Variants in DNAH8 observed in about 807,000 individuals in gnomAD.
DNAH8 encodes dynein axonemal heavy chain 8, also known as axonemal beta dynein heavy chain 8.
In DNAH8, 382 loss-of-function variants were observed where a neutral mutation model predicts 562.1. The ratio of observed to expected loss-of-function variants is 0.68; its 90% confidence interval spans 0.63 to 0.74. The LOEUF (loss-of-function observed/expected upper bound fraction) is 0.74. Ranked by LOEUF, DNAH8 falls within the 30% of genes least tolerant of loss-of-function variation. The pLI, the probability that DNAH8 is intolerant of heterozygous loss-of-function variation, is 0.00. For synonymous variants in DNAH8, 1,881 were observed against 1,919.4 expected (o/e 0.98, Z 0.52); for missense variants, 5,203 against 5,620.4 (o/e 0.93, Z 2.37).
chr6:38,718,043 A>C (rs769731027), intron 1 of DNAH8, among the ~76,000 whole-genome samples: 1 of 152,228 alleles, frequency 6.6e-6, no homozygotes, highest in Non-Finnish European at 1.5e-5. Flanking sequence ...AGTTTTACAT[A>C]TCTGCATATA....
chr6:38,932,183 A>AACACACACACACAC (rs70981599), intron 76 of DNAH8, among the ~76,000 whole-genome samples, 190 bp downstream of exon 76: 12,231 of 139,628 alleles, frequency 0.088, 785 homozygotes, highest in East Asian at 0.18. Flanking sequence ...TCCAGCCTGA[A>AACACACACACACAC]ACACACACAC....
At chr6:38,847,335 A>G (rs959968686) in intron 36 of DNAH8, among the ~76,000 whole-genome samples, 1 of 151,648 alleles carries the variant, frequency 6.6e-6, no homozygotes, top group Non-Finnish European at 1.5e-5. Context: ...TTCTGTGCAG[A>G]ACAATTTTGG....
At chr6:38,841,963 T>C (rs1774838130) in intron 33 of DNAH8, among the ~76,000 whole-genome samples, 2 of 152,198 alleles carry the variant, frequency 1.3e-5, no homozygotes, top group Non-Finnish European at 2.9e-5. Context: ...AAGGGAAATG[T>C]TCTCATAAAA....
intron 88 of DNAH8, among the ~76,000 whole-genome samples, chr6:38,990,608 T>C (rs1340373481): frequency 6.6e-6 from 1 of 152,128 alleles, no homozygotes; most frequent in East Asian, 1.9e-4. Context: ...CCTGGTCCTC[T>C]CTTTCATGGC....
chr6:38,879,725 G>GC (rs1289658253), intron 53 of DNAH8, among the ~76,000 whole-genome samples: 7 of 83,374 alleles, frequency 8.4e-5, no homozygotes, highest in Non-Finnish European at 5.5e-5. Context: ...CCAGTGCAGT[G>GC]GGGGGCAAAT....
chr6:39,028,612 T>C (rs918180671), intron 92 of DNAH8, among the ~76,000 whole-genome samples: 5 of 152,252 alleles, frequency 3.3e-5, no homozygotes, highest in Non-Finnish European at 7.3e-5. Context: ...TTCCAAATAA[T>C]TACATTCTAA....
intron 23 of DNAH8, among the ~76,000 whole-genome samples, chr6:38,806,629 C>T (rs1005841984): frequency 1.3e-5 from 2 of 152,096 alleles, no homozygotes; most frequent in Non-Finnish European, 2.9e-5. Context: ...ATTCATCTCT[C>T]ACATTGCTGC....
At chr6:38,772,996 T>TTTTTTTTTTTGTTG (rs1554205957) in intron 12 of DNAH8, among the ~76,000 whole-genome samples, 17 of 109,976 alleles carry the variant, frequency 1.5e-4, no homozygotes, top group African/African-American at 5.3e-4. Context: ...TTTTTTTTTT[T>TTTTTTTTTTTGTTG]TTGTAGAGAT....
At chr6:38,854,232 A>G (rs949975326) in intron 41 of DNAH8, among the ~76,000 whole-genome samples, 2 of 152,052 alleles carry the variant, frequency 1.3e-5, no homozygotes. Context: ...GAAAGTGAAG[A>G]CCTCAAAGAG....
intron 63 of DNAH8, 91 bp downstream of exon 63, chr6:38,906,498 A>G (rs1583319420): frequency 3.8e-6 from 4 of 1,058,052 alleles, no homozygotes; most frequent in Non-Finnish European, 5.1e-6. Flanking sequence ...AAATGAGGCT[A>G]TTTAGTACAT....
In DNAH8 at chr6:38,761,709, A is replaced by G. The variant is rs1053193564; in HGVS notation, c.1523A>G (p.Asn508Ser). Residue 508 changes from asparagine (N) to serine (S), a missense_variant, in exon 11 of 93, where the codon AAT becomes AGT. Around this residue, in one of 6 missense-constraint regions of DNAH8, gnomAD observed 2,176 missense variants for 2,365.1 expected, o/e 0.92. Transcript: ENST00000327475. ...TACCTATATTTATTTCAGGTAACAA[A>G]TCAAATGGTAACAGCATGTAAAGCA... ...RMTSLFIKVT[N>S]QMVTACKAYI... 11 of 1,514,504 alleles carry G rather than the reference A, an allele frequency of 7.3e-6. No individual in the cohort carries two copies. The highest frequency in any genetic ancestry group is 9.7e-6 in the Non-Finnish European group (11 of 1,130,206). The allele number at this position is 1,514,504 out of a possible 1,614,324, so 93.8% of individuals were successfully genotyped here. A position where few individuals can be genotyped will look rare whatever the true frequency, so the allele number is the denominator to read the frequency against.
At chr6:38,935,724 A>G in intron 77 of DNAH8, 27 bp downstream of exon 77, 1 of 1,495,112 alleles carries the variant, frequency 6.7e-7, no homozygotes, top group Middle Eastern at 1.8e-4. Flanking sequence ...AAGTAATGAA[A>G]TAACGGATTC....
At chr6:39,010,820 C>T (rs35922228) in intron 89 of DNAH8, among the ~76,000 whole-genome samples, 18,072 of 132,390 alleles carry the variant, frequency 0.14, 1,312 homozygotes, top group East Asian at 0.35. Context: ...CACACACACA[C>T]GTATGTATGT....
chr6:38,778,497 G>C (rs1768276209), intron 14 of DNAH8, 33 bp downstream of exon 14: 3 of 1,237,274 alleles, frequency 2.4e-6, no homozygotes, highest in Non-Finnish European at 3.5e-6. Context: ...AGTAGTTTCT[G>C]GGGGGAATAA....
chr6:38,862,852 A>C (rs1380079287), intron 44 of DNAH8, among the ~76,000 whole-genome samples: 1 of 152,190 alleles, frequency 6.6e-6, no homozygotes, highest in Non-Finnish European at 1.5e-5. Context: ...CAGATGGAAA[A>C]TTTTGAGAAA....
Position 38,741,791 on chromosome 6 carries a change from G to A in DNAH8, c.1197G>A (p.Met399Ile). Reference sequence around the variant, plus strand: ...CTGAATTGGAACACTGGAAACGCATGTCAGCCAAGTTCAACTATATCATTG... The same window carrying A: ...CTGAATTGGAACACTGGAAACGCATATCAGCCAAGTTCAACTATATCATTG... ...PLTELEHWKR[M>I]SAKFNYIIEQ... Residue 399 changes from methionine to isoleucine, a missense_variant, in exon 8 of 93, where the codon ATG (methionine) becomes ATA (isoleucine). Physicochemically the swap from Met to Ile is conservative, Grantham distance 10. Around this residue, in one of 6 missense-constraint regions of DNAH8, gnomAD observed 556 missense variants for 496.9 expected, o/e 1.12. Transcript: ENST00000327475. The A allele has an allele frequency of 6.2e-7, 1 of 1,614,096 alleles. No homozygotes were observed. The highest frequency in any genetic ancestry group is 1.1e-5 in the South Asian group (1 of 91,072).
chr6:38,818,031 C>T (rs1471346294), intron 26 of DNAH8, among the ~76,000 whole-genome samples: 1 of 152,050 alleles, frequency 6.6e-6, no homozygotes, highest in African/African-American at 2.4e-5. Context: ...GAATTTTAGA[C>T]ATGGATTTTA....
intron 4 of DNAH8, among the ~76,000 whole-genome samples, chr6:38,733,086 CTT>C (rs1397845161): frequency 6.6e-6 from 1 of 152,066 alleles, no homozygotes; most frequent in Non-Finnish European, 1.5e-5. Context: ...TTGACAAGGT[CTT>C]ACTGTGTTGC....
chr6:38,750,817 A>G (rs547447895), intron 9 of DNAH8, among the ~76,000 whole-genome samples: 1 of 152,254 alleles, frequency 6.6e-6, no homozygotes. Flanking sequence ...TAATTAATGC[A>G]TTAAAAATCT....
Sources: allele counts gnomAD v4.1 joint callset (sites outside exome capture counted in the v4.1 genomes callset), GRCh38; gene constraint gnomAD v4.1.1; regional missense constraint gnomAD v4.1.1; transcripts MANE v1.5; gene names NCBI Gene and HGNC (gene_info 2026-07-23, HGNC 2026-07-21).